The following WDPCP variants were observed in gnomAD, a reference collection of about 807,000 sequenced individuals.
WDPCP encodes the protein WD repeat containing planar cell polarity effector.
Under a neutral mutation model 93.1 loss-of-function variants are expected in WDPCP, and 71 were observed. The observed-to-expected ratio is 0.76, with a 90% CI of 0.63 to 0.93. The LOEUF (loss-of-function observed/expected upper bound fraction) is 0.93, where lower values mean the gene tolerates loss of function less well. Ranked by LOEUF, WDPCP falls within the 40% of genes least tolerant of loss-of-function variation. The probability of loss-of-function intolerance (pLI) is 0.00; values close to 1 mark genes in which losing one functional copy is unlikely to be tolerated. For missense variants in WDPCP, 844 were observed against 887.4 expected (o/e 0.95, Z 0.62); for synonymous variants, 315 against 315.0 (o/e 1.00, Z 0.00).
At chr2:63,291,502 C>G (rs1156417728) in intron 13 of WDPCP, among the ~76,000 whole-genome samples, 1 of 152,086 alleles carries the variant, frequency 6.6e-6, no homozygotes, top group African/African-American at 2.4e-5. Context: ...GATTACAAAT[C>G]TAGGGAAATG....
At chr2:63,323,958 T>G (rs1687326534) in intron 12 of WDPCP, among the ~76,000 whole-genome samples, 1 of 152,076 alleles carries the variant, frequency 6.6e-6, no homozygotes, top group Non-Finnish European at 1.5e-5. Context: ...CGGTTTTGTC[T>G]TTCAGATGGG....
intron 14 of WDPCP, among the ~76,000 whole-genome samples, chr2:63,245,660 G>A (rs1039223833): frequency 1.3e-5 from 2 of 152,138 alleles, no homozygotes; most frequent in Non-Finnish European, 2.9e-5. Context: ...ATGGTATACT[G>A]ATCATGAAAC....
At chr2:63,386,074 G>C (rs1363186474) in intron 10 of WDPCP, among the ~76,000 whole-genome samples, 2 of 151,898 alleles carry the variant, frequency 1.3e-5, no homozygotes, top group Non-Finnish European at 2.9e-5. Flanking sequence ...AAATTAACTT[G>C]AAGTAGACCA....
chr2:63,429,386 T>C (rs1337429677), intron 9 of WDPCP, among the ~76,000 whole-genome samples: 1 of 151,986 alleles, frequency 6.6e-6, no homozygotes, highest in Non-Finnish European at 1.5e-5. Context: ...AGAAACACTA[T>C]AAAGAGAGTA....
chr2:63,707,139 C>T (rs113515482), intron 2 of WDPCP, among the ~76,000 whole-genome samples: 2,551 of 152,108 alleles, frequency 0.017, 23 homozygotes, highest in African/African-American at 0.018. Context: ...AACTTTGTGG[C>T]GTTCTCTGTA....
the WDPCP span, among the ~76,000 whole-genome samples, chr2:63,837,259 T>C: frequency 6.6e-6 from 1 of 152,338 alleles, no homozygotes; most frequent in East Asian, 1.9e-4. Flanking sequence ...ATTTGATATC[T>C]TTTTCCAGTT....
chr2:63,467,724 G>A (rs1375387758), intron 6 of WDPCP, among the ~76,000 whole-genome samples: 12 of 144,992 alleles, frequency 8.3e-5, no homozygotes, highest in South Asian at 2.2e-4. Flanking sequence ...TGCAGTGAGC[G>A]AAGATTGTGC....
intron 13 of WDPCP, among the ~76,000 whole-genome samples, chr2:63,262,620 T>C (rs1053149032): frequency 1.3e-5 from 2 of 151,526 alleles, no homozygotes; most frequent in African/African-American, 4.8e-5. Context: ...CTATTATGAG[T>C]ACTTTATGTT....
intron 14 of WDPCP, among the ~76,000 whole-genome samples, chr2:63,258,316 G>A (rs187396855): frequency 1.3e-5 from 2 of 152,128 alleles, no homozygotes; most frequent in Non-Finnish European, 2.9e-5. Context: ...ATGGGGGAAG[G>A]AGAATGGGAT....
At chr2:63,367,751 T>C (rs1456883097) in intron 12 of WDPCP, among the ~76,000 whole-genome samples, 1 of 152,206 alleles carries the variant, frequency 6.6e-6, no homozygotes, top group African/African-American at 2.4e-5. Context: ...TCCAAAGAAC[T>C]ATAGTGGCTG....
At chr2:63,763,227 G>C (rs1176609723) in intron 2 of WDPCP, among the ~76,000 whole-genome samples, 1 of 152,220 alleles carries the variant, frequency 6.6e-6, no homozygotes, top group East Asian at 1.9e-4. Flanking sequence ...TGATGGTCCG[G>C]GCACGGTGGC....
At chr2:63,128,095 C>T (rs970501903) in intron 17 of WDPCP, among the ~76,000 whole-genome samples, 2 of 152,068 alleles carry the variant, frequency 1.3e-5, no homozygotes, top group Non-Finnish European at 2.9e-5. Context: ...GCTGAGATCA[C>T]ACCTCTGCAC....
chr2:63,152,809 A>G, intron 17 of WDPCP, 105 bp downstream of exon 17: 1 of 1,047,830 alleles, frequency 9.5e-7, no homozygotes, highest in East Asian at 2.4e-5. Context: ...TAGTCCAGTT[A>G]ATGTAGACCA....
intron 2 of WDPCP, among the ~76,000 whole-genome samples, chr2:63,670,613 G>C (rs56679885): frequency 6.6e-6 from 1 of 152,144 alleles, no homozygotes; most frequent in Non-Finnish European, 1.5e-5. Context: ...TAGAGGTAAA[G>C]TGTATATGGT....
intron 6 of WDPCP, among the ~76,000 whole-genome samples, chr2:63,468,820 T>A (rs1260630414): frequency 1.3e-5 from 2 of 152,138 alleles, no homozygotes; most frequent in Non-Finnish European, 2.9e-5. Flanking sequence ...TCCATTGGAT[T>A]ATTCTCATTA....
intron 17 of WDPCP, among the ~76,000 whole-genome samples, chr2:63,147,344 T>A (rs1388987833): frequency 6.6e-6 from 1 of 152,148 alleles, no homozygotes; most frequent in Non-Finnish European, 1.5e-5. Flanking sequence ...GATGATTGAT[T>A]AACCTAAATT....
chr2:63,812,332 G>C (rs1035352448), intron 2 of WDPCP, among the ~76,000 whole-genome samples: 1 of 152,172 alleles, frequency 6.6e-6, no homozygotes, highest in East Asian at 1.9e-4. Context: ...CACCTAGATT[G>C]ATTCCATGTC....
chr2:63,237,892 G>C (rs770024962), intron 14 of WDPCP, among the ~76,000 whole-genome samples: 57 of 151,942 alleles, frequency 3.8e-4, no homozygotes, highest in Non-Finnish European at 7.2e-4. Context: ...CACTCTCTGG[G>C]TGACAGGGTC....
At chr2:63,371,186 C>T (rs988341332) in intron 12 of WDPCP, among the ~76,000 whole-genome samples, 4 of 152,100 alleles carry the variant, frequency 2.6e-5, no homozygotes, top group African/African-American at 4.8e-5. Flanking sequence ...TTGCTCAGGT[C>T]AAAACACTTG....
Sources: allele counts gnomAD v4.1 joint callset (sites outside exome capture counted in the v4.1 genomes callset), GRCh38; gene constraint gnomAD v4.1.1; transcripts MANE v1.5; gene names NCBI Gene and HGNC (gene_info 2026-07-23, HGNC 2026-07-21).